JPH2: variants seen among roughly 807,000 people sequenced by gnomAD.
The protein encoded by JPH2 is junctophilin-2.
Under a neutral mutation model 55.9 loss-of-function variants are expected in JPH2, and 38 were observed. The ratio of observed to expected loss-of-function variants is 0.68; its 90% confidence interval spans 0.52 to 0.89. The LOEUF (loss-of-function observed/expected upper bound fraction) is 0.89. Ranked by LOEUF, JPH2 falls within the 40% of genes least tolerant of loss-of-function variation. The probability of loss-of-function intolerance (pLI) is 0.00; values close to 1 mark genes in which losing one functional copy is unlikely to be tolerated. For synonymous variants in JPH2, 480 were observed against 472.4 expected (o/e 1.02, Z -0.21); for missense variants, 964 against 1,037.6 (o/e 0.93, Z 0.97).
intron 1 of JPH2, among the ~76,000 whole-genome samples, chr20:44,174,919 C>T (rs1432372943): frequency 6.6e-6 from 1 of 152,060 alleles, no homozygotes; most frequent in Admixed American, 6.6e-5. Flanking sequence ...CTTGAGCCCC[C>T]CGTGCAGGGG....
chr20:44,177,400 C>T, intron 1 of JPH2: 1 of 987,780 alleles, frequency 1.0e-6, no homozygotes, highest in Non-Finnish European at 1.2e-6. Flanking sequence ...CTCGATGAAT[C>T]CCAGAAGCCT....
chr20:44,116,633 C>G (rs932362067), intron 3 of JPH2, among the ~76,000 whole-genome samples: 11 of 152,242 alleles, frequency 7.2e-5, no homozygotes, highest in Admixed American at 2.0e-4. Context: ...ATCACTTGCC[C>G]AAAGACACAC....
At chr20:44,147,880 G>A (rs914659920) in intron 2 of JPH2, among the ~76,000 whole-genome samples, 4 of 152,148 alleles carry the variant, frequency 2.6e-5, no homozygotes, top group Non-Finnish European at 4.4e-5. Context: ...AACAACACAA[G>A]GGCCGGGCAT....
In JPH2 at chr20:44,116,140, C is replaced by T; in HGVS notation, c.1535G>A (p.Trp512Ter). The T allele has an allele frequency of 6.9e-7, 1 of 1,440,124 alleles. No individual in the cohort carries two copies. Among genetic ancestry groups the T allele is most frequent in the South Asian group, 1.5e-5 (1 of 68,610 alleles). The allele number at this position is 1,440,124 out of a possible 1,614,324, so 89.2% of individuals were successfully genotyped here. A position where few individuals can be genotyped will look rare whatever the true frequency, so the allele number is the denominator to read the frequency against. ...GCCCTCACCGCTGGGCTCGCCGTTC[C>T]AGGCGCCTGGGCTCAGCAGGCCGTC... ...SKDGLLSPGA[W>*]NGEPSGEGSR... is the part of the protein sequence containing the mutation. Residue 512 changes from tryptophan to a stop codon, truncating the protein, a stop_gained, in exon 4 of 6, where the codon TGG (tryptophan) becomes TAG (stop). Transcript: ENST00000372980. LOFTEE classifies it high-confidence loss of function.
rs1157569830 is a variant in JPH2 at position 44,109,284 on chromosome 20, T to C, written c.*4234A>G. Among the ~76,000 whole-genome samples the C allele has an allele frequency of 1.3e-5, 2 of 152,250 alleles. No individual in the cohort carries two copies. Among genetic ancestry groups the C allele is most frequent in the Non-Finnish European group, 2.9e-5 (2 of 68,040 alleles). The stretch of plus-strand genomic sequence containing the variant: ...ACGAATACCTACACCATGGAGATAC[T>C]GCGAAGAATGGAAAATAGCAGTGCA... On this transcript the variant is annotated 3_prime_UTR_variant, in exon 6 of 6. Coordinates refer to ENST00000372980, the MANE Select transcript of JPH2 (RefSeq NM_020433.5).
In JPH2 at chr20:44,134,828, TATAC is replaced by T. The variant is rs1284418173; in HGVS notation, c.1170-16209_1170-16206del. Among the ~76,000 whole-genome samples, 3 of 84,634 alleles carry T rather than the reference TATAC, an allele frequency of 3.5e-5. No individual in the cohort carries two copies. In the East Asian group the frequency reaches 8.1e-4, roughly 23 times the overall value. The allele number at this position is 84,634 out of a possible 152,430, so 55.5% of individuals were successfully genotyped here. ...ATAAATATATATAAATATTTATAAA[TATAC>T]ATAAATATATGTTTATTATAAATAT... On this transcript the variant is annotated intron_variant, in intron 2 of 5. Coordinates refer to ENST00000372980, the MANE Select transcript of JPH2 (RefSeq NM_020433.5).
chr20:44,115,707 C>T lies in JPH2; in HGVS notation c.1968G>A (p.Lys656=). 6.2e-7 allele frequency: 1 copy of T among 1,613,402 alleles called. No individual in the cohort carries two copies. The highest frequency in any genetic ancestry group is 8.5e-7 in the Non-Finnish European group (1 of 1,180,004). The change falls in exon 4 of 6, where the codon AAG becomes AAA. Residue 656 remains lysine (K), a synonymous_variant. Coordinates refer to ENST00000372980, the MANE Select transcript of JPH2 (RefSeq NM_020433.5). ...TKAGAKKKAR[K]EAALAAEAEV... ...CCGCCTCTGCCGCCAGTGCGGCCTC[C>T]TTCCGCGCCTTCTTCTTGGCCCCCG... is the stretch of plus-strand genomic sequence containing the variant.
intron 1 of JPH2, among the ~76,000 whole-genome samples, chr20:44,163,766 A>G (rs2072633069): frequency 6.6e-6 from 1 of 152,196 alleles, no homozygotes. Context: ...TTAAAAGAAA[A>G]CAACTGATCC....
At chr20:44,124,772 A>G (rs1406823605) in intron 2 of JPH2, among the ~76,000 whole-genome samples, 2 of 151,726 alleles carry the variant, frequency 1.3e-5, no homozygotes, top group Admixed American at 1.3e-4. Context: ...CAGCTTTTGT[A>G]CCACCCATGA....
chr20:44,132,353 CAG>C (rs1555855271), intron 2 of JPH2, among the ~76,000 whole-genome samples: 3,753 of 90,680 alleles, frequency 0.041, 101 homozygotes, highest in African/African-American at 0.061. Flanking sequence ...GGCAGACAGA[CAG>C]ACACACACAC....
At chr20:44,139,537 C>T (rs1296582899) in intron 2 of JPH2, among the ~76,000 whole-genome samples, 1 of 151,866 alleles carries the variant, frequency 6.6e-6, no homozygotes, top group East Asian at 1.9e-4. Flanking sequence ...AATAGATCTC[C>T]AATATATACA....
At chr20:44,134,682 A>ATT (rs2072387674) in intron 2 of JPH2, among the ~76,000 whole-genome samples, 2 of 11,238 alleles carry the variant, frequency 1.8e-4, no homozygotes, top group Non-Finnish European at 3.1e-4. Context: ...ATATTTATAA[A>ATT]TATTATAAAT....
chr20:44,115,714 G>T lies in JPH2; in HGVS notation c.1961C>A (p.Ala654Glu). Reference protein sequence around the residue: ...GLTKAGAKKKARKEAALAAEA... With the variant: ...GLTKAGAKKKERKEAALAAEA... ...TGCCGCCAGTGCGGCCTCCTTCCGC[G>T]CCTTCTTCTTGGCCCCCGCCTTGGT... Residue 654 changes from alanine to glutamate, a missense_variant, in exon 4 of 6, where the codon GCG becomes GAG. Ala to Glu is a moderately radical substitution (Grantham distance 107, BLOSUM62 -1). Transcript: ENST00000372980. 1 of 1,613,436 alleles carries T rather than the reference G, an allele frequency of 6.2e-7. No homozygotes were observed. Among genetic ancestry groups the T allele is most frequent in the East Asian group, 2.2e-5 (1 of 44,860 alleles).
intron 4 of JPH2, 137 bp from the exon 5 acceptor site, chr20:44,115,013 G>A: frequency 2.8e-6 from 2 of 720,538 alleles, no homozygotes; most frequent in South Asian, 3.0e-5. Context: ...GTTCACTGCT[G>A]TATCCTGTCA....
In JPH2 at chr20:44,134,141, TAAA is replaced by T. The variant is rs2072358131; in HGVS notation, c.1170-15521_1170-15519del. On this transcript the variant is annotated intron_variant, in intron 2 of 5. Transcript: ENST00000372980. ...TAAATATTTATTATAAATATATAAA[TAAA>T]TATTTATTATAAATATATAAATATT... Among the ~76,000 whole-genome samples the T allele has an allele frequency of 6.5e-5, 2 of 30,900 alleles. 1 individual carries two copies. The highest frequency in any genetic ancestry group is 1.2e-4 in the Non-Finnish European group (2 of 16,500). The allele number at this position is 30,900 out of a possible 152,430, so 20.3% of individuals were successfully genotyped here.
chr20:44,143,899 G>A (rs552707758), intron 2 of JPH2, among the ~76,000 whole-genome samples: 8 of 152,272 alleles, frequency 5.3e-5, no homozygotes, highest in African/African-American at 1.9e-4. Flanking sequence ...GCACTGGGCT[G>A]GTGGTAGTGA....
chr20:44,116,151 G>A lies in JPH2; in HGVS notation c.1524C>T (p.Ser508=). 1 of 1,428,402 alleles carries A rather than the reference G, an allele frequency of 7.0e-7. No homozygotes were observed. The highest frequency in any genetic ancestry group is 1.5e-5 in the African/African-American group (1 of 66,654). 88.5% of individuals were successfully genotyped at this position (1,428,402 alleles called of 1,614,324 possible). A position where few individuals can be genotyped will look rare whatever the true frequency, so the allele number is the denominator to read the frequency against. ...TGGGCTCGCCGTTCCAGGCGCCTGG[G>A]CTCAGCAGGCCGTCCTTGGACACCC... ...RPGVSKDGLL[S]PGAWNGEPSG... is the part of the protein sequence containing the mutation. Residue 508 remains serine (S), a synonymous_variant, in exon 4 of 6, where the codon AGC becomes AGT. Coordinates refer to ENST00000372980, the MANE Select transcript of JPH2 (RefSeq NM_020433.5).
intron 2 of JPH2, among the ~76,000 whole-genome samples, chr20:44,153,133 TGA>T (rs1157300819): frequency 6.6e-6 from 1 of 152,190 alleles, no homozygotes; most frequent in African/African-American, 2.4e-5. Context: ...TTGTAGGGAC[TGA>T]GAGAGAAGAC....
chr20:44,170,324 C>G (rs2072687824), intron 1 of JPH2, among the ~76,000 whole-genome samples: 1 of 152,248 alleles, frequency 6.6e-6, no homozygotes, highest in Admixed American at 6.5e-5. Context: ...CCCATGGCAG[C>G]TCTCTTGTCT....
Sources: allele counts gnomAD v4.1 joint callset (sites outside exome capture counted in the v4.1 genomes callset), GRCh38; gene constraint gnomAD v4.1.1; transcripts MANE v1.5; gene names NCBI Gene and HGNC (gene_info 2026-07-23, HGNC 2026-07-21).